Variants in EGFR observed in about 807,000 individuals in gnomAD.
The protein encoded by EGFR is epidermal growth factor receptor, also known as avian erythroblastic leukemia viral (v-erb-b) oncogene homolog.
Under a neutral mutation model 143.0 loss-of-function variants are expected in EGFR, and 58 were observed. The observed-to-expected ratio is 0.41, with a 90% CI of 0.33 to 0.50. EGFR has a LOEUF of 0.50. Among genes scored for constraint, EGFR ranks in the 20% least tolerant of loss-of-function variants. EGFR has a pLI of 0.39. For synonymous variants in EGFR, 613 were observed against 594.4 expected (o/e 1.03, Z -0.45); for missense variants, 1,307 against 1,579.0 (o/e 0.83, Z 2.92).
rs749270913 is a variant in EGFR, at chr7:55,192,822, G to T, written c.2682G>T (p.Gln894His). 6.2e-7 allele frequency: 1 copy of T among 1,614,238 alleles called. No homozygotes were observed. The highest frequency in any genetic ancestry group is 8.5e-7 in the Non-Finnish European group (1 of 1,180,034). The change falls in exon 22 of 28, where the codon CAG (glutamine) becomes CAT (histidine). Residue 894 changes from glutamine to histidine, a missense_variant. Coordinates refer to ENST00000275493, the MANE Select transcript of EGFR (RefSeq NM_005228.5). ...TTTTACACAGAATCTATACCCACCAGAGTGATGTCTGGAGCTACGGTGAGT... is the reference window on the plus strand; with the variant it reads ...TTTTACACAGAATCTATACCCACCATAGTGATGTCTGGAGCTACGGTGAGT... Reference protein sequence around the residue: ...ESILHRIYTHQSDVWSYGVTV... With the variant: ...ESILHRIYTHHSDVWSYGVTV...
intron 1 of EGFR, among the ~76,000 whole-genome samples, chr7:55,122,006 T>C (rs1793238002): frequency 6.6e-6 from 1 of 152,188 alleles, no homozygotes; most frequent in Admixed American, 6.5e-5. Flanking sequence ...CCAAAAAGAC[T>C]TGGAGGGGAG....
intron 1 of EGFR, among the ~76,000 whole-genome samples, chr7:55,027,989 AAAATATATATATATATATATATATAT>A (rs1787009067): frequency 2.7e-5 from 2 of 74,050 alleles, no homozygotes; most frequent in Non-Finnish European, 2.5e-5. Flanking sequence ...AAAAAAAAAA[AAAATATATATATATATATATATATAT>A]ATATATATAT....
intron 1 of EGFR, among the ~76,000 whole-genome samples, chr7:55,090,102 G>A (rs1791020229): frequency 6.6e-6 from 1 of 152,072 alleles, no homozygotes; most frequent in Non-Finnish European, 1.5e-5. Flanking sequence ...CTCAGTAGCT[G>A]AGATTACAGG....
chr7:55,170,686 A>G lies in EGFR; in HGVS notation c.1881-489A>G. ...GTGCCTCTCACCCCAACTAGTAGCTAACCATCACCCCCAGGACTGACCTCT... is the reference window on the plus strand; with the variant it reads ...GTGCCTCTCACCCCAACTAGTAGCTGACCATCACCCCCAGGACTGACCTCT... On this transcript the variant is annotated intron_variant, in intron 15 of 27. Coordinates refer to ENST00000275493, the MANE Select transcript of EGFR (RefSeq NM_005228.5). The G allele has an allele frequency of 2.5e-6, 4 of 1,581,084 alleles. 1 individual carries two copies. The South Asian group carries it at 3.4e-5, about 14-fold the overall frequency.
Position 55,211,592 on chromosome 7 carries a change from T to C in EGFR, c.*5975T>C, listed in dbSNP as rs1214381450. The C allele has an allele frequency of 6.9e-6, 1 of 145,080 alleles. No individual in the cohort carries two copies. The highest frequency in any genetic ancestry group is 1.5e-5 in the Non-Finnish European group (1 of 67,444). 9.0% of individuals were successfully genotyped at this position (145,080 alleles called of 1,614,324 possible). A position where few individuals can be genotyped will look rare whatever the true frequency, so the allele number is the denominator to read the frequency against. On this transcript the variant is annotated 3_prime_UTR_variant, in exon 28 of 28. Transcript: ENST00000275493. The stretch of plus-strand genomic sequence containing the variant: ...TTATTCATTGTTCTTTACTCCTGAG[T>C]ACCTTATAATAATAATAATGTATTC...
At chr7:55,199,132 C>A (rs570883473) in intron 23 of EGFR, among the ~76,000 whole-genome samples, 1 of 152,224 alleles carries the variant, frequency 6.6e-6, no homozygotes. Context: ...CCAAAATATT[C>A]TATTCGCTGA....
chr7:55,023,660 A>AC (rs1786710939), intron 1 of EGFR, among the ~76,000 whole-genome samples: 1 of 151,820 alleles, frequency 6.6e-6, no homozygotes, highest in African/African-American at 2.4e-5. Context: ...CAAAAAAAAA[A>AC]AAAAAAAAAC....
chr7:55,198,046 AT>A (rs1350956601), intron 22 of EGFR, among the ~76,000 whole-genome samples: 1 of 151,998 alleles, frequency 6.6e-6, no homozygotes, highest in Non-Finnish European at 1.5e-5. Context: ...CTCCTTCTCA[AT>A]TTTTTTGGAA....
intron 1 of EGFR, among the ~76,000 whole-genome samples, chr7:55,130,709 G>A (rs1409154699): frequency 2.6e-5 from 4 of 152,186 alleles, no homozygotes; most frequent in East Asian, 1.9e-4. Flanking sequence ...AGGGTCAGGC[G>A]AGGCCCTTTT....
At chr7:55,174,098 G>C (rs960353146) in intron 18 of EGFR, 55 bp downstream of exon 18, 1 of 1,612,150 alleles carries the variant, frequency 6.2e-7, no homozygotes, top group Admixed American at 1.7e-5. Context: ...TCATGGTCTG[G>C]TGGGGAGCCC....
At chr7:55,079,108 G>A (rs867082710) in intron 1 of EGFR, among the ~76,000 whole-genome samples, 1 of 152,184 alleles carries the variant, frequency 6.6e-6, no homozygotes, top group South Asian at 2.1e-4. Context: ...GAGCTGCGAG[G>A]CCCTGGAATG....
intron 1 of EGFR, among the ~76,000 whole-genome samples, chr7:55,029,106 C>T (rs1787105307): frequency 6.6e-6 from 1 of 152,148 alleles, no homozygotes; most frequent in Non-Finnish European, 1.5e-5. Flanking sequence ...TTGCAGTGAG[C>T]TGAGATCACA....
Position 55,181,380 on chromosome 7 carries a change from C to A in EGFR, c.2371C>A (p.Gln791Lys). 4 of 1,614,236 alleles carry A rather than the reference C, an allele frequency of 2.5e-6. No individual in the cohort carries two copies. Among genetic ancestry groups the A allele is most frequent in the Non-Finnish European group, 3.4e-6 (4 of 1,180,042 alleles). ...CLTSTVQLIT[Q>K]LMPFGCLLDY... ...CACCTCCACCGTGCAGCTCATCACG[C>A]AGCTCATGCCCTTCGGCTGCCTCCT... Residue 791 changes from glutamine (Q) to lysine (K), a missense_variant, in exon 20 of 28, where the codon CAG (glutamine) becomes AAG (lysine). By Grantham distance (53) the Gln-to-Lys change is moderately conservative. Transcript: ENST00000275493.
In EGFR at chr7:55,160,251, T is replaced by A. The variant is rs2128941565; in HGVS notation, c.1411T>A (p.Tyr471Asn). Residue 471 changes from tyrosine to asparagine, a missense_variant, in exon 12 of 28, where the codon TAT (tyrosine) becomes AAT (asparagine). Physicochemically the swap from Tyr to Asn is moderately radical, Grantham distance 143 (BLOSUM62 -2). Coordinates refer to ENST00000275493, the MANE Select transcript of EGFR (RefSeq NM_005228.5). ...AATTTCAGGAAACAAAAATTTGTGC[T>A]ATGCAAATACAATAAACTGGAAAAA... Reference protein sequence around the residue: ...VIISGNKNLCYANTINWKKLF... With the variant: ...VIISGNKNLCNANTINWKKLF... 1 of 1,614,160 alleles carries A rather than the reference T, an allele frequency of 6.2e-7. No homozygotes were observed. The highest frequency in any genetic ancestry group is 8.5e-7 in the Non-Finnish European group (1 of 1,180,022).
intron 1 of EGFR, among the ~76,000 whole-genome samples, chr7:55,067,252 A>C (rs540253177): frequency 2.6e-4 from 40 of 151,950 alleles, no homozygotes; most frequent in African/African-American, 9.2e-4. Flanking sequence ...GTCTGCAGGA[A>C]AGTGCTGTCG....
At chr7:55,072,827 G>A (rs1003532915) in intron 1 of EGFR, among the ~76,000 whole-genome samples, 5 of 152,162 alleles carry the variant, frequency 3.3e-5, no homozygotes, top group African/African-American at 1.2e-4. Context: ...CAGTGAACCT[G>A]CCTTCTTTCC....
In EGFR at chr7:55,019,046, G is replaced by C. The variant is rs1786343704; in HGVS notation, c.-232G>C. ...GTCCGGGCAGCCCCCGGCGCAGCGC[G>C]GCCGCAGCAGCCTCCGCCCCCCGCA... On this transcript the variant is annotated 5_prime_UTR_variant, in exon 1 of 28. Transcript: ENST00000275493. The C allele has an allele frequency of 4.2e-6, 1 of 240,692 alleles. No individual in the cohort carries two copies. The highest frequency in any genetic ancestry group is 7.8e-6 in the Non-Finnish European group (1 of 127,544). The allele number at this position is 240,692 out of a possible 1,614,324, so 14.9% of individuals were successfully genotyped here.
chr7:55,150,915 T>C (rs181185992), intron 4 of EGFR, among the ~76,000 whole-genome samples: 3 of 152,194 alleles, frequency 2.0e-5, no homozygotes, highest in African/African-American at 7.2e-5. Context: ...AGCAAGGAAG[T>C]AGTGGGTCCA....
At chr7:55,095,458 G>T (rs1791403688) in intron 1 of EGFR, among the ~76,000 whole-genome samples, 2 of 152,180 alleles carry the variant, frequency 1.3e-5, no homozygotes, top group Non-Finnish European at 2.9e-5. Context: ...CCTGAATTAG[G>T]CCCTGTCCTT....
Sources: allele counts gnomAD v4.1 joint callset (sites outside exome capture counted in the v4.1 genomes callset), GRCh38; gene constraint gnomAD v4.1.1; transcripts MANE v1.5; gene names NCBI Gene and HGNC (gene_info 2026-07-23, HGNC 2026-07-21).